The following COL20A1 variants were observed in gnomAD, a reference collection of about 807,000 sequenced individuals.
COL20A1 encodes collagen alpha-1(XX) chain.
In COL20A1, 164 loss-of-function variants were observed where a neutral mutation model predicts 152.9. The observed-to-expected ratio is 1.07, with a 90% CI of 0.94 to 1.22. COL20A1 has a LOEUF of 1.22. Among genes scored for constraint, COL20A1 ranks in the 50% most tolerant of loss-of-function variants. The pLI is 0.00. For synonymous variants in COL20A1, 864 were observed against 756.0 expected, an observed-to-expected ratio of 1.14 and a Z score of -2.34; for missense variants, 1,873 against 1,744.8, an observed-to-expected ratio of 1.07 and a Z score of -1.31.
chr20:63,317,030 G>A (rs747064875), intron 21 of COL20A1, among the ~76,000 whole-genome samples: 7 of 152,202 alleles, frequency 4.6e-5, no homozygotes, highest in Admixed American at 6.5e-5. Context: ...GCCAGTAGCC[G>A]GATTTAGAGG....
chr20:63,323,490 C>T (rs2068198477), intron 27 of COL20A1, among the ~76,000 whole-genome samples: 1 of 152,264 alleles, frequency 6.6e-6, no homozygotes, highest in South Asian at 2.1e-4. Flanking sequence ...CTTTTCGACA[C>T]TCCCAGGTGG....
chr20:63,326,215 AG>A, intron 30 of COL20A1, 66 bp downstream of exon 30: 1 of 1,336,742 alleles, frequency 7.5e-7, no homozygotes, highest in Non-Finnish European at 1.1e-6. Context: ...GGTCAGGCAG[AG>A]GCCAGTCTGA....
intron 20 of COL20A1, among the ~76,000 whole-genome samples, chr20:63,315,653 G>C (rs987940922): frequency 6.6e-6 from 1 of 152,222 alleles, no homozygotes; most frequent in Non-Finnish European, 1.5e-5. Flanking sequence ...GTAAGGTCAG[G>C]GCCAGGAACC....
At chr20:63,297,722 G>T (rs1257999387) in intron 2 of COL20A1, among the ~76,000 whole-genome samples, 188 bp from the exon 3 acceptor site, 1 of 152,246 alleles carries the variant, frequency 6.6e-6, no homozygotes, top group Non-Finnish European at 1.5e-5. Context: ...GCCCAGGCGA[G>T]GCCTCGTATC....
intron 7 of COL20A1, among the ~76,000 whole-genome samples, chr20:63,308,302 G>A (rs1206962836): frequency 1.3e-5 from 2 of 152,214 alleles, no homozygotes; most frequent in African/African-American, 4.8e-5. Context: ...TTCCACATTA[G>A]CAGCTCTGGC....
In COL20A1 at chr20:63,319,329, C is replaced by T. The variant is rs1048493081; in HGVS notation, c.2806+129C>T. On this transcript the variant is annotated intron_variant, in intron 22 of 35. Transcript: ENST00000358894. This position sits in a 1 kb window ranked among gnomAD's most constrained non-coding sequence, Gnocchi z 4.4. ...CCCTCAGCACCCTCTGGGTGGGAGG[C>T]AGGTGTCCCGGGCAGGGGGCTGTGG... 12 of 1,166,850 alleles carry T rather than the reference C, an allele frequency of 1.0e-5. No individual in the cohort carries two copies. The African/African-American group carries it at 1.5e-4, about 15-fold the overall frequency. The allele number at this position is 1,166,850 out of a possible 1,614,324, so 72.3% of individuals were successfully genotyped here.
chr20:63,308,300 T>C (rs1353908506), intron 7 of COL20A1, among the ~76,000 whole-genome samples: 3 of 152,224 alleles, frequency 2.0e-5, no homozygotes, highest in African/African-American at 7.2e-5. Flanking sequence ...TGTTCCACAT[T>C]AGCAGCTCTG....
intron 21 of COL20A1, among the ~76,000 whole-genome samples, chr20:63,318,438 C>T (rs530285599): frequency 3.0e-4 from 46 of 152,270 alleles, no homozygotes; most frequent in Admixed American, 3.9e-4. Context: ...ATCAGAGGCC[C>T]GAGACCCTGC....
rs892268791 is a variant in COL20A1 at position 63,311,334 on chromosome 20, G to A, written c.1394-60G>A. The A allele has an allele frequency of 8.5e-5, 126 of 1,485,036 alleles. 4 individuals carry two copies. The South Asian group carries it at 1.3e-3, about 15-fold the overall frequency. 92.0% of individuals were successfully genotyped at this position (1,485,036 alleles called of 1,614,324 possible). A position where few individuals can be genotyped will look rare whatever the true frequency, so the allele number is the denominator to read the frequency against. ...ACCCACTCTGGTGTGAGGGTGCCCC[G>A]TGCGTGGGTGTGATCTCTGTGTGGG... On this transcript the variant is annotated intron_variant, in intron 11 of 35. Coordinates refer to ENST00000358894, the MANE Select transcript of COL20A1 (RefSeq NM_020882.4). This position sits in a 1 kb window ranked among gnomAD's most constrained non-coding sequence, Gnocchi z 4.4.
intron 1 of COL20A1, among the ~76,000 whole-genome samples, chr20:63,294,821 GTCAC>G (rs1320209141): frequency 2.0e-5 from 3 of 152,252 alleles, no homozygotes; most frequent in Non-Finnish European, 4.4e-5. Flanking sequence ...GGGTCCTGTT[GTCAC>G]TCAGAGCAGC....
intron 28 of COL20A1, 70 bp downstream of exon 28, chr20:63,325,564 G>C (rs955138397): frequency 1.3e-6 from 2 of 1,545,016 alleles, no homozygotes; most frequent in Admixed American, 1.7e-5. Flanking sequence ...TGGAGATGGG[G>C]AGTGCCTGGG....
chr20:63,314,319 T>C, intron 19 of COL20A1, 118 bp downstream of exon 19: 1 of 886,476 alleles, frequency 1.1e-6, no homozygotes, highest in South Asian at 1.7e-5. Context: ...CCAGACCTAG[T>C]TGACCCCAGG....
At chr20:63,312,660 G>C in intron 15 of COL20A1, 111 bp downstream of exon 15, 1 of 1,460,138 alleles carries the variant, frequency 6.8e-7, no homozygotes, top group Non-Finnish European at 9.2e-7. Context: ...TCAGTGCTGA[G>C]CCAGGTGGGG....
chr20:63,317,120 AAC>A (rs111713715), intron 21 of COL20A1, among the ~76,000 whole-genome samples: 12,028 of 152,242 alleles, frequency 0.079, 529 homozygotes, highest in African/African-American at 0.11. Flanking sequence ...ATTTACAGAG[AAC>A]AGTTGTTCAT....
chr20:63,305,619 C>G lies in COL20A1; in HGVS notation c.337+59C>G. On this transcript the variant is annotated intron_variant, in intron 4 of 35. Coordinates refer to ENST00000358894, the MANE Select transcript of COL20A1 (RefSeq NM_020882.4). This position sits in a 1 kb window ranked among gnomAD's most constrained non-coding sequence, Gnocchi z 4.9. ...CCTCCAGGCCGGGTCCCACCCTCCT[C>G]TGGGCTGGGGTCCCACCCTCCTCCA... The G allele has an allele frequency of 6.6e-7, 1 of 1,513,506 alleles. No individual in the cohort carries two copies. 93.8% of individuals were successfully genotyped at this position (1,513,506 alleles called of 1,614,324 possible).
chr20:63,313,765 C>G lies in COL20A1; in HGVS notation c.2232C>G (p.Pro744=), dbSNP rs777572243. Residue 744 remains proline, a synonymous_variant, in exon 18 of 36, where the codon CCC becomes CCG. Coordinates refer to ENST00000358894, the MANE Select transcript of COL20A1 (RefSeq NM_020882.4). This position sits in a 1 kb window ranked among gnomAD's most constrained non-coding sequence, Gnocchi z 5.9. ...YTPSTVSRSP[P]SNLALASETP... The stretch of plus-strand genomic sequence containing the variant: ...CAGCCACGGTGAGCAGGAGCCCACC[C>G]TCCAACCTGGCCCTGGCCTCGGAGA... The G allele has an allele frequency of 1.9e-6, 3 of 1,603,834 alleles. No individual in the cohort carries two copies. Among genetic ancestry groups the G allele is most frequent in the East Asian group, 2.2e-5 (1 of 44,800 alleles).
At position 63,328,439 on chromosome 20, in the gene COL20A1, G is replaced by A. The variant is rs745828746; in HGVS notation, c.3722G>A (p.Arg1241His). The A allele has an allele frequency of 3.1e-5, 50 of 1,612,328 alleles. No homozygotes were observed. The highest frequency in any genetic ancestry group is 5.5e-5 in the South Asian group (5 of 90,922). ...GAGCCCCTGGGGTCCCCTGGCACCCGCAGCAAGGCCCTGGTTCCTGGAGAA... is the reference window on the plus strand; with the variant it reads ...GAGCCCCTGGGGTCCCCTGGCACCCACAGCAAGGCCCTGGTTCCTGGAGAA... ...GTEPLGSPGTRSKALVPGEWG... is the reference protein window; with the variant it reads ...GTEPLGSPGTHSKALVPGEWG... Residue 1241 changes from arginine to histidine, a missense_variant, in exon 34 of 36, where the codon CGC becomes CAC. Transcript: ENST00000358894.
chr20:63,316,749 A>G, intron 21 of COL20A1, 58 bp downstream of exon 21: 6 of 1,098,830 alleles, frequency 5.5e-6, no homozygotes, highest in Non-Finnish European at 7.4e-6. Context: ...GCTGAAGATT[A>G]GGAGGACATG....
At position 63,333,732 on chromosome 20, in the gene COL20A1, C is replaced by T. The variant is rs551728097; in HGVS notation, c.*3016C>T. On this transcript the variant is annotated 3_prime_UTR_variant, in exon 36 of 36. Coordinates refer to ENST00000358894, the MANE Select transcript of COL20A1 (RefSeq NM_020882.4). ...GTGCCCGCAGGACCAGCAGGTGAGGCGTGTCCACCCACAGAGGATGGCTCT... is the reference window on the plus strand; with the variant it reads ...GTGCCCGCAGGACCAGCAGGTGAGGTGTGTCCACCCACAGAGGATGGCTCT... 34 of 42,530 alleles carry T rather than the reference C, an allele frequency of 8.0e-4. No homozygotes were observed. In the South Asian group the frequency reaches 0.028, roughly 35 times the overall value. 2.6% of individuals were successfully genotyped at this position (42,530 alleles called of 1,614,324 possible). A position where few individuals can be genotyped will look rare whatever the true frequency, so the allele number is the denominator to read the frequency against.
Sources: allele counts gnomAD v4.1 joint callset (sites outside exome capture counted in the v4.1 genomes callset), GRCh38; gene constraint gnomAD v4.1.1; non-coding constraint Gnocchi (gnomAD v3.1); transcripts MANE v1.5; gene names NCBI Gene and HGNC (gene_info 2026-07-23, HGNC 2026-07-21).